BMPR1B: variants seen among roughly 807,000 people sequenced by gnomAD.
BMPR1B encodes bone morphogenetic protein receptor type-1B.
Under a neutral mutation model 59.1 loss-of-function variants are expected in BMPR1B, and 12 were observed. The ratio of observed to expected loss-of-function variants is 0.20; its 90% CI spans 0.13 to 0.33. The LOEUF (loss-of-function observed/expected upper bound fraction) is 0.33, where lower values mean the gene tolerates loss of function less well. Among genes scored for constraint, BMPR1B ranks in the 10% least tolerant of loss-of-function variants. The probability of loss-of-function intolerance (pLI) is 1.00; values close to 1 mark genes in which losing one functional copy is unlikely to be tolerated. For missense variants in BMPR1B, 550 were observed against 610.9 expected, an observed-to-expected ratio of 0.90 and a Z score of 1.05; for synonymous variants, 237 against 207.3, an observed-to-expected ratio of 1.14 and a Z score of -1.23.
intron 2 of BMPR1B, among the ~76,000 whole-genome samples, chr4:94,982,487 A>G (rs905635532): frequency 1.3e-5 from 2 of 152,202 alleles, no homozygotes; most frequent in Admixed American, 6.5e-5. Flanking sequence ...TCAGAATTAC[A>G]TGGAGAACTT....
chr4:94,973,809 A>G (rs1340257663), intron 2 of BMPR1B, among the ~76,000 whole-genome samples: 1 of 152,198 alleles, frequency 6.6e-6, no homozygotes, highest in Non-Finnish European at 1.5e-5. Flanking sequence ...CACTATCAGT[A>G]TCATGATGGT....
intron 1 of BMPR1B, among the ~76,000 whole-genome samples, chr4:94,778,384 T>C (rs535321077): frequency 6.6e-6 from 1 of 152,358 alleles, no homozygotes; most frequent in East Asian, 1.9e-4. Flanking sequence ...TTTATGTTTT[T>C]GAAATTCATC....
intron 2 of BMPR1B, among the ~76,000 whole-genome samples, chr4:94,877,861 C>T (rs1232022714): frequency 6.6e-6 from 1 of 152,064 alleles, no homozygotes; most frequent in South Asian, 2.1e-4. Context: ...TGAAAATAAT[C>T]TATGCTTATT....
chr4:94,779,572 T>G lies in BMPR1B; in HGVS notation c.-183+21504T>G, dbSNP rs371675019. ...TTGGACGGGTGCGGTGGCTCATGCCTGTAATCCCAGCACTTTGGGAGGCAA... is the reference window on the plus strand; with the variant it reads ...TTGGACGGGTGCGGTGGCTCATGCCGGTAATCCCAGCACTTTGGGAGGCAA... On this transcript the variant is annotated intron_variant, in intron 1 of 12. Coordinates refer to ENST00000515059, the MANE Select transcript of BMPR1B (RefSeq NM_001203.3). Among the ~76,000 whole-genome samples, 37 of 152,352 alleles carry G rather than the reference T, an allele frequency of 2.4e-4. 1 individual carries two copies. The highest frequency in any genetic ancestry group is 7.7e-4 in the African/African-American group (32 of 41,574).
intron 1 of BMPR1B, among the ~76,000 whole-genome samples, chr4:94,830,249 G>A (rs2110669176): frequency 6.6e-6 from 1 of 152,074 alleles, no homozygotes; most frequent in African/African-American, 2.4e-5. Context: ...GTTAATATGG[G>A]ATATTTTTGA....
intron 2 of BMPR1B, among the ~76,000 whole-genome samples, chr4:94,937,072 T>G (rs1729337065): frequency 6.6e-6 from 1 of 152,144 alleles, no homozygotes; most frequent in Non-Finnish European, 1.5e-5. Context: ...CATTCTAGCC[T>G]TGTTACTTGT....
At chr4:94,928,508 A>G (rs1236845889) in intron 2 of BMPR1B, among the ~76,000 whole-genome samples, 5 of 151,586 alleles carry the variant, frequency 3.3e-5, no homozygotes, top group Non-Finnish European at 7.4e-5. Context: ...TTTCTGGTTG[A>G]TTCTTTTGAG....
intron 1 of BMPR1B, among the ~76,000 whole-genome samples, chr4:94,851,771 G>A (rs1261376143): frequency 6.6e-6 from 1 of 151,998 alleles, no homozygotes. Flanking sequence ...AAGCGTATAG[G>A]TTAATGCTTG....
chr4:95,059,750 A>G (rs1727213660), intron 3 of BMPR1B, among the ~76,000 whole-genome samples: 1 of 152,180 alleles, frequency 6.6e-6, no homozygotes, highest in Non-Finnish European at 1.5e-5. Flanking sequence ...AAAGCCACAC[A>G]TTGTAGAAGA....
chr4:95,084,892 T>A (rs1253335820), intron 3 of BMPR1B, among the ~76,000 whole-genome samples: 1 of 152,200 alleles, frequency 6.6e-6, no homozygotes, highest in Non-Finnish European at 1.5e-5. Flanking sequence ...TCTGGAGATT[T>A]CTGAGACAGT....
intron 1 of BMPR1B, among the ~76,000 whole-genome samples, chr4:94,840,620 C>T (rs1226762167): frequency 6.9e-6 from 1 of 145,500 alleles, no homozygotes; most frequent in Admixed American, 6.8e-5. Context: ...CCATCAGCTC[C>T]TTTAAGCACT....
intron 2 of BMPR1B, among the ~76,000 whole-genome samples, chr4:94,961,853 A>G (rs1730366334): frequency 6.6e-6 from 1 of 152,212 alleles, no homozygotes; most frequent in South Asian, 2.1e-4. Context: ...ATGGGAGTAC[A>G]TGTGATAAAG....
chr4:95,100,293 C>CT (rs980179129), intron 3 of BMPR1B, among the ~76,000 whole-genome samples: 3 of 151,940 alleles, frequency 2.0e-5, no homozygotes, highest in African/African-American at 4.8e-5. Context: ...TATTAAAATG[C>CT]TTTTTTTCCC....
intron 10 of BMPR1B, among the ~76,000 whole-genome samples, chr4:95,138,375 A>G (rs1026002139): frequency 6.6e-6 from 1 of 152,164 alleles, no homozygotes; most frequent in Non-Finnish European, 1.5e-5. Context: ...GAATTTCACA[A>G]TTCTGTGTCT....
At position 94,993,628 on chromosome 4, in the gene BMPR1B, G is replaced by T. The variant is rs543006920; in HGVS notation, c.-112-2412G>T. 4.6e-5 allele frequency among the ~76,000 whole-genome samples: 7 copies of T among 151,982 alleles called. No homozygotes were observed. In the South Asian group the frequency reaches 1.5e-3, roughly 32 times the overall value. ...ATACAAAAATTAGTCAGGTATGGTG[G>T]CACATGCCTGTTGTCCTAGCTACTT... On this transcript the variant is annotated intron_variant, in intron 2 of 12. Coordinates refer to ENST00000515059, the MANE Select transcript of BMPR1B (RefSeq NM_001203.3).
intron 3 of BMPR1B, among the ~76,000 whole-genome samples, chr4:95,100,535 G>A (rs1024903510): frequency 1.3e-5 from 2 of 152,068 alleles, no homozygotes; most frequent in Non-Finnish European, 2.9e-5. Context: ...CAGTGATGTG[G>A]TGTGGATCTA....
intron 3 of BMPR1B, among the ~76,000 whole-genome samples, chr4:95,079,202 C>T (rs978890273): frequency 6.6e-6 from 1 of 152,176 alleles, no homozygotes; most frequent in African/African-American, 2.4e-5. Flanking sequence ...AAAATACACA[C>T]AATTGAGATA....
chr4:95,144,206 C>T (rs1344606997), intron 10 of BMPR1B, among the ~76,000 whole-genome samples: 3 of 152,064 alleles, frequency 2.0e-5, no homozygotes. Flanking sequence ...ATGAGGTCTC[C>T]CTCTGTTGCC....
chr4:94,793,405 T>G (rs1395306213), intron 1 of BMPR1B, among the ~76,000 whole-genome samples: 3 of 151,468 alleles, frequency 2.0e-5, no homozygotes, highest in Non-Finnish European at 2.9e-5. Flanking sequence ...ATTTTCTTAA[T>G]CCAGTCTATC....
Sources: gnomAD v4.1 joint callset for allele counts (sites outside exome capture counted in the v4.1 genomes callset) on GRCh38, gnomAD v4.1.1 for gene constraint, MANE v1.5 for transcripts, NCBI Gene and HGNC (gene_info 2026-07-23, HGNC 2026-07-21) for gene names.